Variants in SLC37A3 observed in about 807,000 individuals in gnomAD.
SLC37A3 encodes sugar phosphate exchanger 3.
A neutral mutation model predicts 67.1 loss-of-function variants in SLC37A3; 51 were observed. That is an observed-to-expected ratio of 0.76 (90% confidence interval 0.61 to 0.96). The LOEUF is 0.96. Ranked by LOEUF, SLC37A3 falls within the 40% of genes least tolerant of loss-of-function variation. The pLI is 0.00. For missense variants in SLC37A3, 508 were observed against 603.0 expected, an observed-to-expected ratio of 0.84 and a Z score of 1.65; for synonymous variants, 214 against 231.4, an observed-to-expected ratio of 0.92 and a Z score of 0.68.
At chr7:140,372,198 G>T (rs1797848414) in intron 3 of SLC37A3, among the ~76,000 whole-genome samples, 1 of 152,146 alleles carries the variant, frequency 6.6e-6, no homozygotes, top group Admixed American at 6.6e-5. Context: ...ACAGTGTAGT[G>T]AATTTCCCCC....
At chr7:140,353,418 G>A (rs1376880119) in intron 7 of SLC37A3, among the ~76,000 whole-genome samples, 3 of 151,576 alleles carry the variant, frequency 2.0e-5, no homozygotes, top group Non-Finnish European at 1.5e-5. Context: ...AGGAGGTTGC[G>A]GTGAGCTGAG....
intron 3 of SLC37A3, among the ~76,000 whole-genome samples, chr7:140,371,645 T>C (rs1797825150): frequency 1.3e-5 from 2 of 152,196 alleles, no homozygotes; most frequent in Admixed American, 1.3e-4. Flanking sequence ...TTTGTCAATA[T>C]CTTTTGTAAT....
At chr7:140,374,411 C>A (rs540408174) in intron 3 of SLC37A3, among the ~76,000 whole-genome samples, 1 of 151,068 alleles carries the variant, frequency 6.6e-6, no homozygotes, top group African/African-American at 2.4e-5. Flanking sequence ...ACGGGAGAAT[C>A]ACTTGAACCC....
chr7:140,361,281 G>C (rs1353858585), intron 5 of SLC37A3, among the ~76,000 whole-genome samples: 10 of 151,786 alleles, frequency 6.6e-5, no homozygotes, highest in Non-Finnish European at 1.5e-4. Context: ...TCGGGAGTTC[G>C]AGACCAGCCT....
intron 1 of SLC37A3, among the ~76,000 whole-genome samples, chr7:140,393,691 C>T (rs1007502894): frequency 1.3e-5 from 2 of 152,138 alleles, no homozygotes; most frequent in Non-Finnish European, 2.9e-5. Flanking sequence ...AAATGGTCTC[C>T]CCTGGTTACT....
intron 9 of SLC37A3, among the ~76,000 whole-genome samples, chr7:140,350,796 G>T (rs540955241): frequency 3.9e-5 from 6 of 152,054 alleles, no homozygotes; most frequent in Non-Finnish European, 8.8e-5. Context: ...AAAATAAAAG[G>T]GGGCAAGGCA....
chr7:140,375,848 C>T (rs765825220), intron 3 of SLC37A3, among the ~76,000 whole-genome samples: 35 of 152,232 alleles, frequency 2.3e-4, no homozygotes, highest in Non-Finnish European at 4.3e-4. Context: ...AGTGCAGGCT[C>T]ACACAGCTGA....
chr7:140,363,126 C>G (rs1657689387), intron 5 of SLC37A3, among the ~76,000 whole-genome samples: 1 of 87,910 alleles, frequency 1.1e-5, no homozygotes, highest in Admixed American at 1.0e-4. Context: ...AGGGGCGCTT[C>G]TGCCCGGCCG....
At chr7:140,369,938 C>T (rs1797754499) in intron 3 of SLC37A3, among the ~76,000 whole-genome samples, 1 of 152,106 alleles carries the variant, frequency 6.6e-6, no homozygotes, top group African/African-American at 2.4e-5. Context: ...TGGAGAAACC[C>T]TGTCTCTACT....
chr7:140,337,199 G>A (rs4332050), intron 14 of SLC37A3, 85 bp downstream of exon 14: 560,944 of 1,026,688 alleles, frequency 0.55, 160,822 homozygotes, highest in African/African-American at 0.84. Context: ...GCAATCAACA[G>A]TTTTGCTGAA....
intron 4 of SLC37A3, 65 bp from the exon 5 acceptor site, chr7:140,364,556 C>A: frequency 7.0e-7 from 1 of 1,420,392 alleles, no homozygotes; most frequent in Non-Finnish European, 9.8e-7. Flanking sequence ...GTAACATGCA[C>A]TGCAAAGCAA....
intron 1 of SLC37A3, among the ~76,000 whole-genome samples, chr7:140,392,585 C>G (rs1267643578): frequency 6.6e-6 from 1 of 152,106 alleles, no homozygotes. Flanking sequence ...CTTCCCAAGA[C>G]TGAGACAAAA....
chr7:140,366,339 C>T (rs1797600767), intron 4 of SLC37A3, among the ~76,000 whole-genome samples: 1 of 152,070 alleles, frequency 6.6e-6, no homozygotes. Flanking sequence ...AAACTCCTGA[C>T]CTCAGGTGAT....
chr7:140,361,319 T>C (rs9691058), intron 5 of SLC37A3, among the ~76,000 whole-genome samples: 56,277 of 151,566 alleles, frequency 0.37, 11,637 homozygotes, highest in Non-Finnish European at 0.46. Flanking sequence ...CCGTCTTTAC[T>C]AAAAATAAAA....
At chr7:140,360,983 G>A (rs1464175557) in intron 5 of SLC37A3, among the ~76,000 whole-genome samples, 2 of 152,086 alleles carry the variant, frequency 1.3e-5, no homozygotes, top group African/African-American at 2.4e-5. Context: ...AAGCAAGACT[G>A]AACCAGAAAT....
At chr7:140,356,175 C>G (rs1472602815) in intron 6 of SLC37A3, among the ~76,000 whole-genome samples, 1 of 141,238 alleles carries the variant, frequency 7.1e-6, no homozygotes, top group African/African-American at 2.6e-5. Flanking sequence ...GCCTTGACAA[C>G]AAAGCGAGAC....
At chr7:140,346,051 G>T in intron 10 of SLC37A3, 81 bp from the exon 11 acceptor site, 1 of 994,810 alleles carries the variant, frequency 1.0e-6, no homozygotes, top group Non-Finnish European at 1.6e-6. Context: ...TTGCCCTCTA[G>T]TCTCACTAGC....
chr7:140,351,478 T>C (rs1426200697), intron 8 of SLC37A3, 27 bp from the exon 9 acceptor site: 1 of 1,608,546 alleles, frequency 6.2e-7, no homozygotes, highest in Admixed American at 1.7e-5. Flanking sequence ...AGCCACTGTT[T>C]ATGGAGTGCC....
At chr7:140,370,921 A>T (rs1797791568) in intron 3 of SLC37A3, among the ~76,000 whole-genome samples, 1 of 152,192 alleles carries the variant, frequency 6.6e-6, no homozygotes. Flanking sequence ...ATAGGCACAC[A>T]TAGAAAACGA....
Sources: gnomAD v4.1 joint callset for allele counts (sites outside exome capture counted in the v4.1 genomes callset) on GRCh38, gnomAD v4.1.1 for gene constraint, MANE v1.5 for transcripts, NCBI Gene and HGNC (gene_info 2026-07-23, HGNC 2026-07-21) for gene names.